The following GRK5 variants were observed in gnomAD, a reference collection of about 807,000 sequenced individuals.
The protein encoded by GRK5 is G protein-coupled receptor kinase 5.
A neutral mutation model predicts 78.4 loss-of-function variants in GRK5; 40 were observed. The observed-to-expected ratio is 0.51, with a 90% CI of 0.40 to 0.66. The LOEUF (loss-of-function observed/expected upper bound fraction) is 0.66. GRK5 is among the 30% of genes least tolerant of loss of function. The pLI, the probability that GRK5 is intolerant of heterozygous loss-of-function variation, is 0.00. For synonymous variants in GRK5, 289 were observed against 296.8 expected, an observed-to-expected ratio of 0.97 and a Z score of 0.27; for missense variants, 598 against 759.9, an observed-to-expected ratio of 0.79 and a Z score of 2.50.
Position 119,453,253 on chromosome 10 carries a change from C to T in GRK5, c.1651C>T (p.Leu551Phe). 6.2e-7 allele frequency: 1 copy of T among 1,614,102 alleles called. No homozygotes were observed. Among genetic ancestry groups the T allele is most frequent in the Non-Finnish European group, 8.5e-7 (1 of 1,180,012 alleles). ...TCCGGAACCGCCCAAGAAAGGGCTGCTCCAGAGACTCTTCAAGCGGCAGGT... is the reference window on the plus strand; with the variant it reads ...TCCGGAACCGCCCAAGAAAGGGCTGTTCCAGAGACTCTTCAAGCGGCAGGT... ...HPPEPPKKGL[L>F]QRLFKRQHQN... Residue 551 changes from leucine to phenylalanine, a missense_variant, in exon 15 of 16, where the codon CTC (leucine) becomes TTC (phenylalanine). Physicochemically the swap from Leu to Phe is conservative, Grantham distance 22. Transcript: ENST00000392870.
intron 4 of GRK5, among the ~76,000 whole-genome samples, chr10:119,422,433 A>T (rs773717850): frequency 6.6e-6 from 1 of 152,236 alleles, no homozygotes; most frequent in South Asian, 2.1e-4. Context: ...TTGCTCCAAG[A>T]GAAACTCCTA....
intron 2 of GRK5, among the ~76,000 whole-genome samples, chr10:119,335,148 C>CTCTCTCTA: frequency 7.3e-6 from 1 of 136,596 alleles, no homozygotes. Context: ...CTCTCTCTCT[C>CTCTCTCTA]TCTCTCTCTC....
At chr10:119,259,623 T>C (rs1849341030) in intron 1 of GRK5, among the ~76,000 whole-genome samples, 1 of 152,186 alleles carries the variant, frequency 6.6e-6, no homozygotes, top group South Asian at 2.1e-4. Context: ...CAACCAGCTG[T>C]GACCAGGGAA....
Position 119,430,578 on chromosome 10 carries a change from G to A in GRK5, c.597+140G>A. The A allele has an allele frequency of 1.5e-6, 1 of 671,314 alleles. No individual in the cohort carries two copies. Among genetic ancestry groups the A allele is most frequent in the Non-Finnish European group, 2.6e-6 (1 of 389,754 alleles). 41.6% of individuals were successfully genotyped at this position (671,314 alleles called of 1,614,324 possible). A position where few individuals can be genotyped will look rare whatever the true frequency, so the allele number is the denominator to read the frequency against. ...TCAATGTGGGCCCCGGGGGCAGTGAGGGTGGGAGAGAGTCAGTGGCCTTGG... is the reference window on the plus strand; with the variant it reads ...TCAATGTGGGCCCCGGGGGCAGTGAAGGTGGGAGAGAGTCAGTGGCCTTGG... On this transcript the variant is annotated intron_variant, in intron 7 of 15. Transcript: ENST00000392870. The surrounding 1 kb of genome is among the most constrained non-coding windows in gnomAD (Gnocchi z 4.5).
intron 1 of GRK5, among the ~76,000 whole-genome samples, chr10:119,316,530 C>T (rs112995419): frequency 8.8e-4 from 134 of 152,346 alleles, no homozygotes; most frequent in African/African-American, 2.8e-3. Context: ...CTTCTGACCA[C>T]GGCAACAGAT....
chr10:119,396,605 G>C (rs1852057632), intron 3 of GRK5, 90 bp from the exon 4 acceptor site: 2 of 1,119,894 alleles, frequency 1.8e-6, no homozygotes, highest in Non-Finnish European at 2.7e-6. Context: ...GTGGCCTCTA[G>C]GGGATTTCCT....
intron 1 of GRK5, among the ~76,000 whole-genome samples, chr10:119,231,478 G>A (rs753840697): frequency 3.3e-5 from 5 of 152,124 alleles, no homozygotes; most frequent in Non-Finnish European, 5.9e-5. Flanking sequence ...GGCTGAGGCA[G>A]GTGGATCACT....
chr10:119,326,468 C>T (rs554571626), intron 1 of GRK5, 48 bp from the exon 2 acceptor site: 76 of 1,516,034 alleles, frequency 5.0e-5, no homozygotes, highest in Non-Finnish European at 6.6e-5. Context: ...GCGGGGACGC[C>T]GCAGGCTCTG....
Position 119,264,917 on chromosome 10 carries a change from G to A in GRK5, c.52+56948G>A, listed in dbSNP as rs1160039131. 6.6e-6 allele frequency among the ~76,000 whole-genome samples: 1 copy of A among 152,178 alleles called. No homozygotes were observed. The highest frequency in any genetic ancestry group is 1.5e-5 in the Non-Finnish European group (1 of 68,034). On this transcript the variant is annotated intron_variant, in intron 1 of 15. Transcript: ENST00000392870. This position sits in a 1 kb window ranked among gnomAD's most constrained non-coding sequence, Gnocchi z 4.1. ...AGAAAACTAAGGTCCATAGAGCAAG[G>A]CACAGACCTGTCCCTGGGAGCTCAG...
chr10:119,397,932 A>G (rs900777606), intron 4 of GRK5, among the ~76,000 whole-genome samples: 2 of 152,088 alleles, frequency 1.3e-5, no homozygotes, highest in Non-Finnish European at 2.9e-5. Context: ...ATCCATCATA[A>G]TCCATGCACT....
At chr10:119,441,492 T>C (rs1215672898) in intron 10 of GRK5, among the ~76,000 whole-genome samples, 2 of 152,252 alleles carry the variant, frequency 1.3e-5, no homozygotes, top group Non-Finnish European at 2.9e-5. Flanking sequence ...CTCCAGGCTC[T>C]GCCAGGTCAG....
intron 1 of GRK5, among the ~76,000 whole-genome samples, chr10:119,293,220 A>G (rs1004606496): frequency 1.3e-5 from 2 of 152,184 alleles, no homozygotes; most frequent in Non-Finnish European, 2.9e-5. Flanking sequence ...CCCATTTAAC[A>G]GACAAGAGAC....
At chr10:119,369,252 A>T (rs1851504427) in intron 2 of GRK5, among the ~76,000 whole-genome samples, 1 of 152,194 alleles carries the variant, frequency 6.6e-6, no homozygotes, top group Admixed American at 6.5e-5. Flanking sequence ...AGGAGAAAAA[A>T]GGTTGTAGAA....
At position 119,452,442 on chromosome 10, in the gene GRK5, A is replaced by C. The variant is rs532656384; in HGVS notation, c.1405-229A>C. 2.0e-4 allele frequency: 105 copies of C among 538,018 alleles called. No individual in the cohort carries two copies. Among genetic ancestry groups the C allele is most frequent in the Non-Finnish European group, 3.0e-4 (91 of 300,804 alleles). 33.3% of individuals were successfully genotyped at this position (538,018 alleles called of 1,614,324 possible). A position where few individuals can be genotyped will look rare whatever the true frequency, so the allele number is the denominator to read the frequency against. ...TCTGGAGGGGTCGCACAAAAAAACC[A>C]CAGGCCATCATCTGAGGTGGACAGG... On this transcript the variant is annotated intron_variant, in intron 13 of 15. Coordinates refer to ENST00000392870, the MANE Select transcript of GRK5 (RefSeq NM_005308.3). This position sits in a 1 kb window ranked among gnomAD's most constrained non-coding sequence, Gnocchi z 4.4.
chr10:119,393,381 G>A (rs1016058443), intron 3 of GRK5, among the ~76,000 whole-genome samples: 13 of 152,254 alleles, frequency 8.5e-5, no homozygotes, highest in African/African-American at 2.7e-4. Context: ...TTTTTTTAAC[G>A]TGGGTTTTAG....
intron 3 of GRK5, among the ~76,000 whole-genome samples, chr10:119,394,818 T>G (rs1469030080): frequency 2.0e-5 from 3 of 147,346 alleles, no homozygotes; most frequent in African/African-American, 7.8e-5. Context: ...TGTGTGTGGG[T>G]GTGTGTATCT....
chr10:119,371,267 G>A (rs894573008), intron 2 of GRK5, among the ~76,000 whole-genome samples: 6 of 152,174 alleles, frequency 3.9e-5, no homozygotes, highest in South Asian at 4.1e-4. Flanking sequence ...CGGTGGGAGG[G>A]CCTGGCTGTG....
intron 5 of GRK5, among the ~76,000 whole-genome samples, chr10:119,424,165 A>C (rs1248035195): frequency 6.6e-6 from 1 of 152,140 alleles, no homozygotes; most frequent in Non-Finnish European, 1.5e-5. Flanking sequence ...CAGATCCAAC[A>C]GTGGGTGGGG....
intron 2 of GRK5, among the ~76,000 whole-genome samples, chr10:119,347,453 A>G (rs2133793766): frequency 6.6e-6 from 1 of 152,146 alleles, no homozygotes; most frequent in Non-Finnish European, 1.5e-5. Context: ...GTTTGCAAGT[A>G]TGTGCGTGTT....
Sources: gnomAD v4.1 joint callset for allele counts (sites outside exome capture counted in the v4.1 genomes callset) on GRCh38, gnomAD v4.1.1 for gene constraint, Gnocchi (gnomAD v3.1) non-coding constraint, MANE v1.5 for transcripts, NCBI Gene and HGNC (gene_info 2026-07-23, HGNC 2026-07-21) for gene names.